CDH13: variants seen among roughly 807,000 people sequenced by gnomAD.
The protein encoded by CDH13 is cadherin-13.
A neutral mutation model predicts 63.8 loss-of-function variants in CDH13; 24 were observed. That is an observed-to-expected ratio of 0.38 (90% CI 0.27 to 0.53). The LOEUF (loss-of-function observed/expected upper bound fraction) is 0.53, where lower values mean the gene tolerates loss of function less well. Ranked by LOEUF, CDH13 falls within the 20% of genes least tolerant of loss-of-function variation. CDH13 has a pLI of 0.85. For synonymous variants in CDH13, 503 were observed against 355.3 expected, an observed-to-expected ratio of 1.42 and a Z score of -4.67; for missense variants, 1,049 against 903.1, an observed-to-expected ratio of 1.16 and a Z score of -2.07.
rs75396903 is a variant in CDH13, at chr16:83,467,519, T to A, written c.782-18958T>A. ...TTGTGAATTGAGCCTAGAAAACGTGTCTGTTTTTAGCTGACCCCAAGAACA... is the reference window on the plus strand; with the variant it reads ...TTGTGAATTGAGCCTAGAAAACGTGACTGTTTTTAGCTGACCCCAAGAACA... On this transcript the variant is annotated intron_variant, in intron 6 of 13. Coordinates refer to ENST00000567109, the MANE Select transcript of CDH13 (RefSeq NM_001257.5). Among the ~76,000 whole-genome samples, 800 of 152,262 alleles carry A rather than the reference T, an allele frequency of 5.3e-3. 8 individuals carry two copies. The highest frequency in any genetic ancestry group is 0.018 in the African/African-American group (767 of 41,528).
At chr16:82,768,882 A>G (rs1203513466) in intron 1 of CDH13, among the ~76,000 whole-genome samples, 1 of 152,150 alleles carries the variant, frequency 6.6e-6, no homozygotes, top group Non-Finnish European at 1.5e-5. Flanking sequence ...CACACCTTTA[A>G]TATTTTGTAT....
intron 5 of CDH13, among the ~76,000 whole-genome samples, chr16:83,292,624 C>T (rs1424070056): frequency 2.0e-5 from 3 of 152,166 alleles, no homozygotes; most frequent in African/African-American, 7.2e-5. Flanking sequence ...CACACACTCT[C>T]ACTAAGTAGG....
intron 8 of CDH13, among the ~76,000 whole-genome samples, chr16:83,663,458 G>A (rs750515167): frequency 6.6e-6 from 1 of 152,184 alleles, no homozygotes. Context: ...AAATAGAGAA[G>A]AACTGGTTAC....
chr16:83,524,234 A>C (rs1038833074), intron 7 of CDH13, among the ~76,000 whole-genome samples: 5 of 152,186 alleles, frequency 3.3e-5, no homozygotes, highest in Admixed American at 3.3e-4. Context: ...AGAATAAATC[A>C]GCATGCAGTG....
chr16:83,270,457 A>G (rs1567553237), intron 5 of CDH13, among the ~76,000 whole-genome samples: 1 of 152,200 alleles, frequency 6.6e-6, no homozygotes, highest in Admixed American at 6.5e-5. Context: ...TTCCCTTAGT[A>G]AGCCACCCCC....
chr16:83,765,358 A>C (rs1484272767), intron 11 of CDH13, among the ~76,000 whole-genome samples: 2 of 152,174 alleles, frequency 1.3e-5, no homozygotes, highest in African/African-American at 4.8e-5. Context: ...CAAAAAGTTG[A>C]ATTTTTGTAC....
chr16:83,410,668 T>C (rs2092112732), intron 6 of CDH13, among the ~76,000 whole-genome samples: 1 of 152,216 alleles, frequency 6.6e-6, no homozygotes, highest in Non-Finnish European at 1.5e-5. Context: ...ACCCCATTTA[T>C]ATATGCTACT....
At chr16:83,034,237 T>G (rs904737393) in intron 3 of CDH13, among the ~76,000 whole-genome samples, 1 of 152,136 alleles carries the variant, frequency 6.6e-6, no homozygotes, top group Non-Finnish European at 1.5e-5. Context: ...CTGCAATGCT[T>G]CTGGAACCTA....
intron 11 of CDH13, among the ~76,000 whole-genome samples, chr16:83,755,331 G>A (rs1354710714): frequency 1.3e-5 from 2 of 152,188 alleles, no homozygotes; most frequent in African/African-American, 2.4e-5. Flanking sequence ...AGACTAGTGT[G>A]TGGAATTGGA....
chr16:83,228,240 C>G (rs528435576), intron 5 of CDH13, among the ~76,000 whole-genome samples: 2 of 152,312 alleles, frequency 1.3e-5, no homozygotes, highest in African/African-American at 4.8e-5. Context: ...CTGTTATTGC[C>G]ATCTGGTGGG....
intron 1 of CDH13, among the ~76,000 whole-genome samples, chr16:82,736,113 G>A (rs905554257): frequency 6.6e-6 from 1 of 152,186 alleles, no homozygotes; most frequent in African/African-American, 2.4e-5. Flanking sequence ...TCAGTAAGCT[G>A]CGCTGAGGTT....
chr16:83,268,835 G>C (rs1289187636), intron 5 of CDH13, among the ~76,000 whole-genome samples: 1 of 152,208 alleles, frequency 6.6e-6, no homozygotes, highest in Non-Finnish European at 1.5e-5. Context: ...ACACCACAGA[G>C]AGGCCAGAGC....
intron 7 of CDH13, among the ~76,000 whole-genome samples, chr16:83,576,405 C>T (rs760849990): frequency 5.3e-5 from 8 of 152,292 alleles, no homozygotes; most frequent in Non-Finnish European, 1.0e-4. Flanking sequence ...TTTATCCATT[C>T]GTCTGTTTAT....
intron 7 of CDH13, among the ~76,000 whole-genome samples, chr16:83,581,776 G>T (rs1905627636): frequency 6.6e-6 from 1 of 152,196 alleles, no homozygotes; most frequent in South Asian, 2.1e-4. Flanking sequence ...CCAAAATCAT[G>T]CTATTGCACT....
At chr16:83,662,039 G>A (rs1287941270) in intron 8 of CDH13, among the ~76,000 whole-genome samples, 1 of 152,166 alleles carries the variant, frequency 6.6e-6, no homozygotes, top group African/African-American at 2.4e-5. Flanking sequence ...GGGTGGGTGG[G>A]TCACATGGGG....
chr16:83,136,947 C>T (rs978184693), intron 4 of CDH13, among the ~76,000 whole-genome samples: 6 of 152,224 alleles, frequency 3.9e-5, no homozygotes, highest in African/African-American at 1.2e-4. Context: ...CGGCCAGTTT[C>T]AAGCTAGCAG....
At chr16:83,338,355 A>C (rs1374943576) in intron 5 of CDH13, among the ~76,000 whole-genome samples, 3 of 152,208 alleles carry the variant, frequency 2.0e-5, no homozygotes, top group African/African-American at 7.2e-5. Flanking sequence ...ACAGATGGCC[A>C]GAGCTCAGGC....
At chr16:83,137,248 G>A (rs1366306469) in intron 4 of CDH13, among the ~76,000 whole-genome samples, 1 of 152,190 alleles carries the variant, frequency 6.6e-6, no homozygotes, top group East Asian at 1.9e-4. Flanking sequence ...ACTTCATGCA[G>A]CAAGTGCAAC....
At chr16:83,334,973 T>C (rs770555861) in intron 5 of CDH13, among the ~76,000 whole-genome samples, 4 of 152,160 alleles carry the variant, frequency 2.6e-5, no homozygotes, top group Non-Finnish European at 5.9e-5. Context: ...GTAAGGGCAA[T>C]GTAAGTGTCA....
Sources: allele counts gnomAD v4.1 joint callset (sites outside exome capture counted in the v4.1 genomes callset), GRCh38; gene constraint gnomAD v4.1.1; transcripts MANE v1.5; gene names NCBI Gene and HGNC (gene_info 2026-07-23, HGNC 2026-07-21).